ZNF43: variants seen among roughly 807,000 people sequenced by gnomAD.
The protein encoded by ZNF43 is zinc finger protein 43.
Under a neutral mutation model 68.4 loss-of-function variants are expected in ZNF43, and 44 were observed. The ratio of observed to expected loss-of-function variants is 0.64; its 90% CI spans 0.51 to 0.83. The LOEUF (loss-of-function observed/expected upper bound fraction) is 0.83, where lower values mean the gene tolerates loss of function less well. ZNF43 is among the 40% of genes least tolerant of loss of function. The pLI, the probability that ZNF43 is intolerant of heterozygous loss-of-function variation, is 0.00. For missense variants in ZNF43, 896 were observed against 933.2 expected (o/e 0.96, Z 0.52); for synonymous variants, 308 against 307.8 (o/e 1.00, Z -0.01).
chr19:21,825,932 C>T (rs2038099122), intron 1 of ZNF43, among the ~76,000 whole-genome samples: 1 of 152,106 alleles, frequency 6.6e-6, no homozygotes, highest in African/African-American at 2.4e-5. Flanking sequence ...ACCTGTAGTC[C>T]CAGCTACTTG....
At chr19:21,825,799 T>C (rs1483707921) in intron 1 of ZNF43, among the ~76,000 whole-genome samples, 8 of 152,186 alleles carry the variant, frequency 5.3e-5, no homozygotes, top group Non-Finnish European at 1.0e-4. Flanking sequence ...ACGCCTGTAA[T>C]CCCAGCACTG....
At chr19:21,834,063 T>C (rs2038561147) in intron 1 of ZNF43, among the ~76,000 whole-genome samples, 1 of 151,072 alleles carries the variant, frequency 6.6e-6, no homozygotes, top group African/African-American at 2.4e-5. Context: ...GTCCTGTGCC[T>C]AGGGAAAACA....
rs973975739 is a variant in ZNF43 at position 21,817,980 on chromosome 19, G to C, written c.137C>G (p.Ala46Gly). 6.2e-7 allele frequency: 1 copy of C among 1,611,540 alleles called. No homozygotes were observed. The highest frequency in any genetic ancestry group is 1.3e-5 in the African/African-American group (1 of 74,784). Reference sequence around the variant, plus strand: ...GGTGATCAGGTCTGGCTTAGAGACAGCAATACCTGTTTCAATAAAAAATAA... The same window carrying C: ...GGTGATCAGGTCTGGCTTAGAGACACCAATACCTGTTTCAATAAAAAATAA... Reference protein sequence around the residue: ...NYRNLVFLGIAVSKPDLITCL... With the variant: ...NYRNLVFLGIGVSKPDLITCL... Residue 46 changes from alanine to glycine, a missense_variant, in exon 3 of 4, where the codon GCT becomes GGT. Transcript: ENST00000354959.
intron 3 of ZNF43, among the ~76,000 whole-genome samples, chr19:21,817,335 A>G (rs1003486355): frequency 1.3e-5 from 2 of 152,196 alleles, no homozygotes; most frequent in Non-Finnish European, 2.9e-5. Flanking sequence ...ATTCTAAAAT[A>G]TACATGAAAC....
At chr19:21,827,520 C>T (rs560975628) in intron 1 of ZNF43, among the ~76,000 whole-genome samples, 38 of 143,888 alleles carry the variant, frequency 2.6e-4, no homozygotes, top group Admixed American at 5.6e-4. Context: ...CACCACCATA[C>T]CTGGCTAATT....
At chr19:21,839,994 G>A (rs1311869982), upstream of ZNF43, 2 of 152,114 alleles carry the variant, frequency 1.3e-5, no homozygotes, top group Admixed American at 6.5e-5. Context: ...AATTCTTTCT[G>A]TAAGCAGCAA....
intron 3 of ZNF43, among the ~76,000 whole-genome samples, chr19:21,811,466 C>T (rs1396238744): frequency 6.7e-6 from 1 of 149,528 alleles, no homozygotes; most frequent in Non-Finnish European, 1.5e-5. Flanking sequence ...ACCCAAGAGG[C>T]AGAGCTTTCA....
Position 21,845,164 on chromosome 19 carries a change from A to G in ZNF43, c.30+6741T>C, listed in dbSNP as rs1374593413. ...CCACCTGGGTGCAGGGCCCAACAAT[A>G]TGTTACAGTGCTCTCTATGAGCAAT... On this transcript the variant is annotated intron_variant, in intron 1 of 3. Transcript: ENST00000357491. Among the ~76,000 whole-genome samples, 5 of 151,804 alleles carry G rather than the reference A, an allele frequency of 3.3e-5. No homozygotes were observed. The East Asian group carries it at 9.8e-4, about 30-fold the overall frequency.
chr19:21,836,438 AGG>A (rs2038745110), upstream of ZNF43, among the ~76,000 whole-genome samples: 1 of 152,256 alleles, frequency 6.6e-6, no homozygotes, highest in African/African-American at 2.4e-5. Flanking sequence ...CTTGTGTATA[AGG>A]TCATCTTCAC....
In ZNF43 at chr19:21,844,125, A is replaced by T. The variant is rs181996067; in HGVS notation, c.30+7780T>A. On this transcript the variant is annotated intron_variant, in intron 1 of 3. Transcript: ENST00000357491. The stretch of plus-strand genomic sequence containing the variant: ...AAACCATGATCGTACCTGCGGCCCT[A>T]GGCCCAGACTGGGGCAGGTGGATCA... Among the ~76,000 whole-genome samples the T allele has an allele frequency of 1.4e-4, 22 of 152,146 alleles. No individual in the cohort carries two copies. The East Asian group carries it at 4.1e-3, about 28-fold the overall frequency.
chr19:21,815,210 A>G (rs929152771), intron 3 of ZNF43, among the ~76,000 whole-genome samples: 2 of 151,920 alleles, frequency 1.3e-5, no homozygotes, highest in African/African-American at 4.8e-5. Context: ...AAAATCTGGT[A>G]TGCAACATTG....
chr19:21,852,051 G>T, exon 1 of ZNF43: 1 of 1,175,180 alleles, frequency 8.5e-7, no homozygotes, highest in Non-Finnish European at 1.2e-6. Flanking sequence ...CCAAGGTCTA[G>T]CGGGAGCTGG....
intron 1 of ZNF43, chr19:21,826,462 A>G (rs1005244387): frequency 1.3e-5 from 2 of 152,178 alleles, no homozygotes; most frequent in African/African-American, 2.4e-5. Flanking sequence ...GATTGCAAAG[A>G]CAGAAAGAGA....
At chr19:21,844,481 C>CA (rs113112814) in intron 1 of ZNF43, among the ~76,000 whole-genome samples, 15 of 148,270 alleles carry the variant, frequency 1.0e-4, no homozygotes, top group South Asian at 4.3e-4. Flanking sequence ...ATGACCTTTG[C>CA]AAAAAAAAAG....
rs1297613516 is a variant in ZNF43, at chr19:21,807,857, A to T, written c.2180T>A (p.Ile727Asn). The T allele has an allele frequency of 1.9e-6, 3 of 1,613,144 alleles. No homozygotes were observed. The South Asian group carries it at 3.3e-5, about 18-fold the overall frequency. The change falls in exon 4 of 4, where the codon ATT becomes AAT. Residue 727 changes from isoleucine to asparagine, a missense_variant. Ile to Asn is a moderately radical substitution (Grantham distance 149, BLOSUM62 -3). Transcript: ENST00000354959. ...TTTGTAGGGTTGCTCTCCAGTATGA[A>T]TTTTCTTATGTTCAATAAGGTTTGA... is the stretch of plus-strand genomic sequence containing the variant. ...RSSNLIEHKK[I>N]HTGEQPYKCE...
chr19:21,840,844 G>A (rs1196665824), upstream of ZNF43: 3 of 152,132 alleles, frequency 2.0e-5, no homozygotes, highest in African/African-American at 7.2e-5. Flanking sequence ...TGTGGACCTA[G>A]GCTCATGCAT....
chr19:21,824,823 G>A (rs1027690028), intron 1 of ZNF43, among the ~76,000 whole-genome samples: 5 of 152,036 alleles, frequency 3.3e-5, no homozygotes, highest in African/African-American at 1.2e-4. Flanking sequence ...CCAAGCTTGA[G>A]GATTATAACC....
chr19:21,851,177 C>T (rs1035316036), intron 1 of ZNF43: 2 of 152,076 alleles, frequency 1.3e-5, no homozygotes, highest in Admixed American at 6.6e-5. Flanking sequence ...GGACCAGGCC[C>T]GCATATGAAA....
At chr19:21,849,683 A>C (rs901708020) in intron 1 of ZNF43, among the ~76,000 whole-genome samples, 2 of 151,814 alleles carry the variant, frequency 1.3e-5, no homozygotes, top group Non-Finnish European at 2.9e-5. Context: ...CGGAGGTTGC[A>C]GTGAGCTGAG....
Sources: allele counts gnomAD v4.1 joint callset (sites outside exome capture counted in the v4.1 genomes callset), GRCh38; gene constraint gnomAD v4.1.1; transcripts MANE v1.5; gene names NCBI Gene and HGNC (gene_info 2026-07-23, HGNC 2026-07-21).